Variants in CDK4 observed in about 807,000 individuals in gnomAD.
The protein encoded by CDK4 is cyclin dependent kinase 4.
CDK4 carries 13 observed loss-of-function variants against 36.7 expected under a neutral mutation model. That is an observed-to-expected ratio of 0.35 (90% CI 0.23 to 0.56). The LOEUF is 0.56. Among genes scored for constraint, CDK4 ranks in the 20% least tolerant of loss-of-function variants. The pLI is 0.85. For missense variants in CDK4, 285 were observed against 387.3 expected (o/e 0.74, Z 2.22); for synonymous variants, 158 against 146.4 (o/e 1.08, Z -0.57).
In CDK4 at chr12:57,749,312, A is replaced by G. The variant is rs760435132; in HGVS notation, c.689T>C (p.Ile230Thr). The change falls in exon 7 of 8, where the codon ATT becomes ACT. Residue 230 changes from isoleucine (I) to threonine (T), a missense_variant. By Grantham distance (89) the Ile-to-Thr change is moderately conservative. Transcript: ENST00000257904. ...ADQLGKIFDL[I>T]GLPPEDDWPR... ...CCAGTCATCCTCTGGAGGCAGCCCA[A>G]TCAGGCTGTGGGGGACAGGAGAACT... The G allele has an allele frequency of 2.4e-5, 39 of 1,614,074 alleles. No homozygotes were observed. In the Middle Eastern group the frequency reaches 4.9e-4, roughly 20 times the overall value.
At chr12:57,749,068 C>G in intron 7 of CDK4, 114 bp downstream of exon 7, 1 of 1,330,524 alleles carries the variant, frequency 7.5e-7, no homozygotes, top group African/African-American at 1.4e-5. Context: ...ATAAAAACTA[C>G]AGCCCATCTA....
At chr12:57,750,613 A>G (rs370071580) in intron 5 of CDK4, 43 bp downstream of exon 5, 10 of 1,333,144 alleles carry the variant, frequency 7.5e-6, no homozygotes, top group African/African-American at 1.4e-5. Flanking sequence ...TGAACAAGCG[A>G]TTTGGGGAAT....
chr12:57,751,317 G>A lies in CDK4; in HGVS notation c.244C>T (p.Arg82Ter), dbSNP rs1398120196. 1 of 1,614,090 alleles carries A rather than the reference G, an allele frequency of 6.2e-7. No individual in the cohort carries two copies. Among genetic ancestry groups the A allele is most frequent in the Non-Finnish European group, 8.5e-7 (1 of 1,180,024 alleles). Residue 82 changes from arginine to a stop codon, truncating the protein, a stop_gained, in exon 3 of 8, where the codon CGA (arginine) becomes TGA (stop). Coordinates refer to ENST00000257904, the MANE Select transcript of CDK4 (RefSeq NM_000075.4). LOFTEE classifies it high-confidence loss of function. This position sits in a 1 kb window ranked among gnomAD's most constrained non-coding sequence, Gnocchi z 4.5. ...VRLMDVCATS[R>*]TDREIKVTLV... Reference sequence around the variant, plus strand: ...GTTACCTTGATCTCCCGGTCAGTTCGGGATGTGGCACAGACGTCCATCAGC... The same window carrying A: ...GTTACCTTGATCTCCCGGTCAGTTCAGGATGTGGCACAGACGTCCATCAGC...
chr12:57,751,059 T>C lies in CDK4; in HGVS notation c.386A>G (p.Asp129Gly). The C allele has an allele frequency of 6.2e-7, 1 of 1,613,988 alleles. No homozygotes were observed. The highest frequency in any genetic ancestry group is 8.5e-7 in the Non-Finnish European group (1 of 1,179,992). The change falls in exon 4 of 8, where the codon GAT (aspartate) becomes GGT (glycine). Residue 129 changes from aspartate to glycine, a missense_variant. Physicochemically the swap from Asp to Gly is moderately conservative, Grantham distance 94 (BLOSUM62 -1). Coordinates refer to ENST00000257904, the MANE Select transcript of CDK4 (RefSeq NM_000075.4). The surrounding 1 kb of genome is among the most constrained non-coding windows in gnomAD (Gnocchi z 4.5). ...AACGATGCAATTGGCATGAAGGAAA[T>C]CTAGGCCTCTTAGAAACTGGCGCAT... ...DLMRQFLRGL[D>G]FLHANCIVHR...
chr12:57,750,739 G>C lies in CDK4; in HGVS notation c.549C>G (p.Pro183=), dbSNP rs778696237. The change falls in exon 5 of 8, where the codon CCC becomes CCG. Residue 183 remains proline, a synonymous_variant. Transcript: ENST00000257904. ...PVVVTLWYRA[P]EVLLQSTYAT... ...CATATGTGGACTGCAGAAGAACTTCGGGAGCTCGGTACCAGAGTGTAACAA... is the reference window on the plus strand; with the variant it reads ...CATATGTGGACTGCAGAAGAACTTCCGGAGCTCGGTACCAGAGTGTAACAA... The C allele has an allele frequency of 6.2e-7, 1 of 1,613,962 alleles. No homozygotes were observed. Among genetic ancestry groups the C allele is most frequent in the Non-Finnish European group, 8.5e-7 (1 of 1,179,836 alleles).
chr12:57,747,740 C>G lies in CDK4; in HGVS notation c.*785G>C, dbSNP rs1565804608. 1 of 160,884 alleles carries G rather than the reference C, an allele frequency of 6.2e-6. No homozygotes were observed. Among genetic ancestry groups the G allele is most frequent in the Non-Finnish European group, 1.4e-5 (1 of 73,586 alleles). 10.0% of individuals were successfully genotyped at this position (160,884 alleles called of 1,614,324 possible). A position where few individuals can be genotyped will look rare whatever the true frequency, so the allele number is the denominator to read the frequency against. Reference sequence around the variant, plus strand: ...ATAAAAGTAAAAGCCATTTAAAAATCTATATTCTTTTTTTTTTTTTGACAC... The same window carrying G: ...ATAAAAGTAAAAGCCATTTAAAAATGTATATTCTTTTTTTTTTTTTGACAC... On this transcript the variant is annotated 3_prime_UTR_variant, in exon 8 of 8. Coordinates refer to ENST00000257904, the MANE Select transcript of CDK4 (RefSeq NM_000075.4).
Position 57,747,825 on chromosome 12 carries a change from C to T in CDK4, c.*700G>A, listed in dbSNP as rs904823018. ...TGGCATGATCTCGGCTCACCGCAAC[C>T]TCTGCCTCCCGGGTTCAAGCGATCC... On this transcript the variant is annotated 3_prime_UTR_variant, in exon 8 of 8. Transcript: ENST00000257904. 4 of 170,148 alleles carry T rather than the reference C, an allele frequency of 2.4e-5. No individual in the cohort carries two copies. The highest frequency in any genetic ancestry group is 3.8e-4 in the South Asian group (2 of 5,318). 10.5% of individuals were successfully genotyped at this position (170,148 alleles called of 1,614,324 possible).
At chr12:57,748,913 C>T (rs1595108345) in intron 7 of CDK4, 5 of 553,960 alleles carry the variant, frequency 9.0e-6, no homozygotes, top group Admixed American at 3.1e-5. Flanking sequence ...ACCATGTTGG[C>T]CAGGCTGGTC....
Position 57,751,254 on chromosome 12 carries a change from A to T in CDK4, c.307T>A (p.Tyr103Asn), listed in dbSNP as rs752767372. 6.2e-7 allele frequency: 1 copy of T among 1,614,054 alleles called. No individual in the cohort carries two copies. Among genetic ancestry groups the T allele is most frequent in the Non-Finnish European group, 8.5e-7 (1 of 1,179,998 alleles). ...FEHVDQDLRT[Y>N]LDKAPPPGLP... is the part of the protein sequence containing the mutation. ...CCTGGTGGGGGTGCCTTGTCCAGAT[A>T]TGTCCTTAGGTCCTGGTCTACATGC... is the stretch of plus-strand genomic sequence containing the variant. The change falls in exon 3 of 8, where the codon TAT (tyrosine) becomes AAT (asparagine). Residue 103 changes from tyrosine to asparagine, a missense_variant. Coordinates refer to ENST00000257904, the MANE Select transcript of CDK4 (RefSeq NM_000075.4). This position sits in a 1 kb window ranked among gnomAD's most constrained non-coding sequence, Gnocchi z 4.5.
chr12:57,751,704 C>T lies in CDK4; in HGVS notation c.14G>A (p.Arg5Gln), dbSNP rs1031329993. 13 of 1,614,042 alleles carry T rather than the reference C, an allele frequency of 8.1e-6. No homozygotes were observed. The highest frequency in any genetic ancestry group is 1.1e-5 in the Non-Finnish European group (13 of 1,180,032). The change falls in exon 2 of 8, where the codon CGA becomes CAA. Residue 5 changes from arginine (R) to glutamine (Q), a missense_variant. Transcript: ENST00000257904. The surrounding 1 kb of genome is among the most constrained non-coding windows in gnomAD (Gnocchi z 4.5). MATS[R>Q]YEPVAEIGVG... ...ACCAATTTCAGCCACTGGCTCATAT[C>T]GAGAGGTAGCCATTCTCAGATCAAG... is the stretch of plus-strand genomic sequence containing the variant.
chr12:57,749,775 G>C, intron 5 of CDK4: 1 of 512,034 alleles, frequency 2.0e-6, no homozygotes, highest in South Asian at 2.1e-5. Flanking sequence ...GATGTGGGTG[G>C]ATCATGAGGT....
At position 57,748,262 on chromosome 12, in the gene CDK4, C is replaced by A; in HGVS notation, c.*263G>T. 2 of 383,702 alleles carry A rather than the reference C, an allele frequency of 5.2e-6. No individual in the cohort carries two copies. Among genetic ancestry groups the A allele is most frequent in the Non-Finnish European group, 9.6e-6 (2 of 207,596 alleles). 23.8% of individuals were successfully genotyped at this position (383,702 alleles called of 1,614,324 possible). A position where few individuals can be genotyped will look rare whatever the true frequency, so the allele number is the denominator to read the frequency against. ...ACCATTATTTCTTTGTTTTGTTTTT[C>A]CTGTATAAAAAAGGACCCCAAATAT... On this transcript the variant is annotated 3_prime_UTR_variant, in exon 8 of 8. Coordinates refer to ENST00000257904, the MANE Select transcript of CDK4 (RefSeq NM_000075.4).
chr12:57,748,765 G>T (rs1955192187), intron 7 of CDK4, 148 bp from the exon 8 acceptor site: 2 of 646,978 alleles, frequency 3.1e-6, no homozygotes, highest in Admixed American at 4.9e-5. Context: ...GAGTGCAATG[G>T]TATGATCTCA....
chr12:57,751,772 A>T lies in CDK4; in HGVS notation c.-19-36T>A, dbSNP rs1024019387. On this transcript the variant is annotated intron_variant, in intron 1 of 7. Coordinates refer to ENST00000257904, the MANE Select transcript of CDK4 (RefSeq NM_000075.4). The surrounding 1 kb of genome is among the most constrained non-coding windows in gnomAD (Gnocchi z 4.5). ...AGACTCCTATCACCAAAAGTCGCTT[A>T]CAGAGTTAGGATGGTATGAGCCTGC... The T allele has an allele frequency of 2.0e-6, 3 of 1,536,026 alleles. No individual in the cohort carries two copies. Among genetic ancestry groups the T allele is most frequent in the Non-Finnish European group, 2.7e-6 (3 of 1,113,572 alleles).
Position 57,748,088 on chromosome 12 carries a change from G to T in CDK4, c.*437C>A. ...CAATTTCAGTTCCTTTCTAAGCTTT[G>T]TCAGTCAAGGGGCTCCACTGACTTC... On this transcript the variant is annotated 3_prime_UTR_variant, in exon 8 of 8. Transcript: ENST00000257904. 3.7e-6 allele frequency: 1 copy of T among 273,158 alleles called. No individual in the cohort carries two copies. Among genetic ancestry groups the T allele is most frequent in the Non-Finnish European group, 7.0e-6 (1 of 142,114 alleles). 16.9% of individuals were successfully genotyped at this position (273,158 alleles called of 1,614,324 possible).
intron 5 of CDK4, chr12:57,749,813 A>G (rs1395547378): frequency 1.2e-5 from 5 of 427,968 alleles, no homozygotes; most frequent in South Asian, 9.0e-5. Context: ...CCTGGCCAAC[A>G]TGGTGAAACC....
At chr12:57,748,932 C>G (rs552610614) in intron 7 of CDK4, 29 of 578,214 alleles carry the variant, frequency 5.0e-5, no homozygotes, top group Non-Finnish European at 8.0e-5. Context: ...TCTCGAACTC[C>G]TGACCTCAGG....
Position 57,747,759 on chromosome 12 carries a change from T to C in CDK4, c.*766A>G. On this transcript the variant is annotated 3_prime_UTR_variant, in exon 8 of 8. Transcript: ENST00000257904. ...AAAAATCTATATTCTTTTTTTTTTT[T>C]TGACACAGAGTCTTGCTCTGTTGCC... 6.2e-6 allele frequency: 1 copy of C among 161,118 alleles called. No individual in the cohort carries two copies. Among genetic ancestry groups the C allele is most frequent in the East Asian group, 1.6e-4 (1 of 6,438 alleles). 10.0% of individuals were successfully genotyped at this position (161,118 alleles called of 1,614,324 possible). A position where few individuals can be genotyped will look rare whatever the true frequency, so the allele number is the denominator to read the frequency against.
chr12:57,751,771 TAC>T lies in CDK4; in HGVS notation c.-19-37_-19-36del, dbSNP rs1955240975. The T allele has an allele frequency of 1.9e-6, 3 of 1,545,056 alleles. No individual in the cohort carries two copies. The highest frequency in any genetic ancestry group is 2.2e-5 in the East Asian group (1 of 44,454). On this transcript the variant is annotated intron_variant, in intron 1 of 7. Transcript: ENST00000257904. The surrounding 1 kb of genome is among the most constrained non-coding windows in gnomAD (Gnocchi z 4.5). The stretch of plus-strand genomic sequence containing the variant: ...CAGACTCCTATCACCAAAAGTCGCT[TAC>T]AGAGTTAGGATGGTATGAGCCTGCA...
Sources: gnomAD v4.1 joint callset for allele counts on GRCh38, gnomAD v4.1.1 for gene constraint, Gnocchi (gnomAD v3.1) non-coding constraint, MANE v1.5 for transcripts, NCBI Gene and HGNC (gene_info 2026-07-23, HGNC 2026-07-21) for gene names.